MAP4K4: variants seen among roughly 807,000 people sequenced by gnomAD.
The protein encoded by MAP4K4 is mitogen-activated protein kinase kinase kinase kinase 4.
Under a neutral mutation model 189.6 loss-of-function variants are expected in MAP4K4, and 38 were observed. That is an observed-to-expected ratio of 0.20 (90% CI 0.15 to 0.26). MAP4K4 has a LOEUF of 0.26. Among genes scored for constraint, MAP4K4 ranks in the 10% least tolerant of loss-of-function variants. The pLI is 1.00. For missense variants in MAP4K4, 1,054 were observed against 1,726.9 expected (o/e 0.61, Z 6.91); for synonymous variants, 610 against 624.3 (o/e 0.98, Z 0.34).
chr2:101,770,286 T>TCGC (rs932630335), intron 2 of MAP4K4, among the ~76,000 whole-genome samples: 9 of 143,248 alleles, frequency 6.3e-5, no homozygotes, highest in Non-Finnish European at 1.3e-4. Context: ...TTCGCTCTTG[T>TCGC]CGCCCGGGCT....
intron 3 of MAP4K4, among the ~76,000 whole-genome samples, chr2:101,822,801 G>T (rs2096146727): frequency 6.6e-6 from 1 of 152,152 alleles, no homozygotes; most frequent in African/African-American, 2.4e-5. Flanking sequence ...TTGTGTCAGT[G>T]TAGAAAAGTA....
exon 23 of MAP4K4, chr2:101,870,352 T>C: frequency 6.2e-7 from 1 of 1,613,714 alleles, no homozygotes; most frequent in Non-Finnish European, 8.5e-7. Flanking sequence ...TGATTGTCCA[T>C]GATGATGTAG....
chr2:101,767,824 C>T (rs2150299121), intron 2 of MAP4K4, among the ~76,000 whole-genome samples: 1 of 152,304 alleles, frequency 6.6e-6, no homozygotes, highest in Non-Finnish European at 1.5e-5. Flanking sequence ...GCTATGACAG[C>T]TGGGCCTGCT....
intron 2 of MAP4K4, among the ~76,000 whole-genome samples, chr2:101,785,996 T>C (rs1227217830): frequency 1.3e-5 from 2 of 152,076 alleles, no homozygotes; most frequent in Non-Finnish European, 2.9e-5. Flanking sequence ...TGGCTGATTT[T>C]TGTATTTTTA....
intron 12 of MAP4K4, among the ~76,000 whole-genome samples, chr2:101,855,686 T>G (rs2097430793): frequency 1.3e-5 from 2 of 152,202 alleles, no homozygotes; most frequent in African/African-American, 4.8e-5. Flanking sequence ...GAATAAAGAA[T>G]TTTCTGTCCC....
intron 3 of MAP4K4, among the ~76,000 whole-genome samples, chr2:101,821,459 T>C (rs763543582): frequency 1.8e-4 from 27 of 152,350 alleles, no homozygotes; most frequent in Admixed American, 1.6e-3. Context: ...TATGCTACTG[T>C]ACTGAATAGT....
In MAP4K4 at chr2:101,865,056, T is replaced by A. The variant is rs1179453160; in HGVS notation, c.2204+20T>A. On this transcript the variant is annotated intron_variant, in intron 18 of 32. Transcript: ENST00000324219. ...CACCAGGTAAAAGACAAGTGAGCAC[T>A]GAGAACAGGCCTTCTGTGCAGTCTA... The A allele has an allele frequency of 7.0e-7, 1 of 1,438,524 alleles. No individual in the cohort carries two copies. 89.1% of individuals were successfully genotyped at this position (1,438,524 alleles called of 1,614,324 possible).
intron 2 of MAP4K4, among the ~76,000 whole-genome samples, chr2:101,774,428 G>A (rs904109058): frequency 4.6e-5 from 7 of 152,006 alleles, no homozygotes; most frequent in Admixed American, 4.6e-4. Flanking sequence ...TTCCTATAGC[G>A]TTGTTTGAGC....
intron 29 of MAP4K4, among the ~76,000 whole-genome samples, chr2:101,886,327 G>T (rs2098480777): frequency 6.6e-6 from 1 of 152,138 alleles, no homozygotes; most frequent in African/African-American, 2.4e-5. Context: ...CACAATCCAG[G>T]CTGTTGTAGC....
rs1300002085 is a variant in MAP4K4 at position 101,891,153 on chromosome 2, C to T, written c.4072-13C>T. 1.4e-5 allele frequency: 22 copies of T among 1,611,120 alleles called. No homozygotes were observed. The highest frequency in any genetic ancestry group is 1.9e-5 in the Non-Finnish European group (22 of 1,177,444). On this transcript the variant is annotated splice_polypyrimidine_tract_variant and intron_variant, in intron 32 of 32. Coordinates refer to ENST00000324219, the Ensembl canonical transcript of MAP4K4. ...CCATGGTAACCATTCCCTCTCTTTT[C>T]TTGCTTTTGCAGGTGTTCTTTGCCT...
exon 1 of MAP4K4, chr2:101,698,112 T>C: frequency 7.7e-7 from 1 of 1,291,442 alleles, no homozygotes; most frequent in Non-Finnish European, 1.0e-6. Flanking sequence ...AAAAGTCTGG[T>C]GGACATCGAC....
At chr2:101,892,732 T>TA (rs1559370504) in exon 33 of MAP4K4, 1 of 365,448 alleles carries the variant, frequency 2.7e-6, no homozygotes, top group South Asian at 2.1e-5. Context: ...GCTCTCTTGT[T>TA]CTCTGTTTTT....
At chr2:101,842,927 T>C (rs1345313131) in intron 11 of MAP4K4, among the ~76,000 whole-genome samples, 1 of 152,200 alleles carries the variant, frequency 6.6e-6, no homozygotes, top group Admixed American at 6.5e-5. Context: ...CTGAAAAATG[T>C]GTGGGCCTGG....
At chr2:101,766,014 G>A (rs1480301301) in intron 2 of MAP4K4, among the ~76,000 whole-genome samples, 1 of 151,948 alleles carries the variant, frequency 6.6e-6, no homozygotes, top group Non-Finnish European at 1.5e-5. Flanking sequence ...TACCCTATTC[G>A]GAGACATGGG....
chr2:101,751,405 A>G (rs1334432379), intron 2 of MAP4K4, among the ~76,000 whole-genome samples: 3 of 152,216 alleles, frequency 2.0e-5, no homozygotes, highest in African/African-American at 7.2e-5. Flanking sequence ...GCTGCTTTCA[A>G]GTCCCAGCTT....
At chr2:101,865,033 C>T in exon 18 of MAP4K4, 4 of 1,556,756 alleles carry the variant, frequency 2.6e-6, no homozygotes, top group Non-Finnish European at 3.5e-6. Context: ...AGAAACTCCA[C>T]CAGGTAAAAG....
chr2:101,776,708 T>C (rs1282012460), intron 2 of MAP4K4, among the ~76,000 whole-genome samples: 1 of 151,818 alleles, frequency 6.6e-6, no homozygotes, highest in Non-Finnish European at 1.5e-5. Flanking sequence ...GGCTGTAAAC[T>C]CAGAGCCAAT....
intron 3 of MAP4K4, among the ~76,000 whole-genome samples, chr2:101,791,535 G>A (rs1284233544): frequency 6.6e-6 from 1 of 152,076 alleles, no homozygotes; most frequent in East Asian, 1.9e-4. Context: ...AACTTGCCTA[G>A]TTATGAATAG....
chr2:101,704,197 G>A (rs1252757482), intron 2 of MAP4K4, among the ~76,000 whole-genome samples: 1 of 152,066 alleles, frequency 6.6e-6, no homozygotes, highest in Non-Finnish European at 1.5e-5. Flanking sequence ...GATTGTGTCA[G>A]CTGATCTGCC....
Sources: gnomAD v4.1 joint callset for allele counts (sites outside exome capture counted in the v4.1 genomes callset) on GRCh38, gnomAD v4.1.1 for gene constraint, MANE v1.5 for transcripts, NCBI Gene and HGNC (gene_info 2026-07-23, HGNC 2026-07-21) for gene names.